KCNH5: variants seen among roughly 807,000 people sequenced by gnomAD.
KCNH5 encodes the protein voltage-gated delayed rectifier potassium channel KCNH5.
In KCNH5, 46 loss-of-function variants were observed where a neutral mutation model predicts 96.1. The ratio of observed to expected loss-of-function variants is 0.48; its 90% CI spans 0.38 to 0.61. The LOEUF (loss-of-function observed/expected upper bound fraction) is 0.61. KCNH5 is among the 20% of genes least tolerant of loss of function. The pLI, the probability that KCNH5 is intolerant of heterozygous loss-of-function variation, is 0.00. For synonymous variants in KCNH5, 439 were observed against 449.8 expected (o/e 0.98, Z 0.30); for missense variants, 907 against 1,225.8 (o/e 0.74, Z 3.88).
chr14:62,997,550 C>T (rs1890928705), intron 4 of KCNH5, among the ~76,000 whole-genome samples: 1 of 152,090 alleles, frequency 6.6e-6, no homozygotes, highest in Admixed American at 6.5e-5. Context: ...ACCAGCCTTG[C>T]ATAAGTGGGA....
chr14:62,967,993 C>T (rs1297611200), intron 6 of KCNH5, among the ~76,000 whole-genome samples: 2 of 152,284 alleles, frequency 1.3e-5, no homozygotes, highest in African/African-American at 4.8e-5. Context: ...CTTGTTATTT[C>T]CTTTCCTCTC....
chr14:62,818,108 G>GT (rs1887032824), intron 8 of KCNH5, among the ~76,000 whole-genome samples: 1 of 91,924 alleles, frequency 1.1e-5, no homozygotes, highest in Non-Finnish European at 2.1e-5. Context: ...GGAGCTGGGG[G>GT]CGGGGGGGGG....
At chr14:62,908,088 G>A (rs887462020) in intron 7 of KCNH5, among the ~76,000 whole-genome samples, 1 of 152,076 alleles carries the variant, frequency 6.6e-6, no homozygotes, top group Non-Finnish European at 1.5e-5. Context: ...ACTTTTGTGG[G>A]TAATGGATTC....
At position 62,708,407 on chromosome 14, in the gene KCNH5, G is replaced by C; in HGVS notation, c.2068C>G (p.Leu690Val). 6.2e-7 allele frequency: 1 copy of C among 1,610,242 alleles called. No homozygotes were observed. ...AGGGTCACCTCATTCTTCTGCCGGA[G>C]GCGCTCCTCCTCCTCTTTCTTCACA... ...SDVKKEEEER[L>V]RQKNEVTLSI... is the part of the protein sequence containing the mutation. The change falls in exon 11 of 11, where the codon CTC (leucine) becomes GTC (valine). Residue 690 changes from leucine to valine, a missense_variant. Around this residue, in one of 6 missense-constraint regions of KCNH5, gnomAD observed 362 missense variants for 394.4 expected, o/e 0.92. Coordinates refer to ENST00000322893, the MANE Select transcript of KCNH5 (RefSeq NM_139318.5).
chr14:62,882,098 C>CT (rs1313766647), intron 7 of KCNH5, among the ~76,000 whole-genome samples: 1 of 44,844 alleles, frequency 2.2e-5, no homozygotes, highest in Non-Finnish European at 3.5e-5. Flanking sequence ...AACCCCATTT[C>CT]TTAAAAAAAA....
At chr14:62,781,035 G>A (rs183535688) in intron 9 of KCNH5, among the ~76,000 whole-genome samples, 19 of 152,088 alleles carry the variant, frequency 1.2e-4, no homozygotes, top group African/African-American at 4.3e-4. Flanking sequence ...GACCTTTATC[G>A]GGGAATCTGC....
At chr14:62,786,481 G>C (rs1364003399) in intron 9 of KCNH5, among the ~76,000 whole-genome samples, 1 of 152,048 alleles carries the variant, frequency 6.6e-6, no homozygotes, top group Non-Finnish European at 1.5e-5. Context: ...AATCACTATA[G>C]TGAAGCAAAT....
At chr14:62,984,261 G>A (rs530694865) in intron 5 of KCNH5, among the ~76,000 whole-genome samples, 1 of 152,214 alleles carries the variant, frequency 6.6e-6, no homozygotes, top group Non-Finnish European at 1.5e-5. Context: ...CAGGCCCACT[G>A]ACTGATGTGG....
chr14:63,045,039 G>C (rs930327149), intron 1 of KCNH5, 75 bp downstream of exon 1: 42 of 1,157,062 alleles, frequency 3.6e-5, no homozygotes, highest in Non-Finnish European at 5.3e-5. Flanking sequence ...TTGGGAGAGG[G>C]ATGGGATGGG....
chr14:62,824,957 C>G (rs1224370917), intron 8 of KCNH5, among the ~76,000 whole-genome samples: 2 of 151,950 alleles, frequency 1.3e-5, no homozygotes, highest in Non-Finnish European at 2.9e-5. Flanking sequence ...TTTTTTATGG[C>G]TGTATAGTTT....
intron 10 of KCNH5, among the ~76,000 whole-genome samples, chr14:62,745,616 A>G (rs1389059756): frequency 6.6e-6 from 1 of 152,128 alleles, no homozygotes; most frequent in Non-Finnish European, 1.5e-5. Context: ...TCATGTCTGT[A>G]AGGGGTTGGG....
chr14:63,023,551 A>G (rs1286515095), intron 1 of KCNH5, among the ~76,000 whole-genome samples: 1 of 152,214 alleles, frequency 6.6e-6, no homozygotes. Context: ...AATCATCCAG[A>G]CAGAAAATCA....
At chr14:62,986,780 T>C (rs1323458987) in intron 5 of KCNH5, among the ~76,000 whole-genome samples, 4 of 152,182 alleles carry the variant, frequency 2.6e-5, no homozygotes, top group Non-Finnish European at 4.4e-5. Context: ...CCTGAATATG[T>C]GTTTGCTGCA....
intron 7 of KCNH5, among the ~76,000 whole-genome samples, chr14:62,928,779 T>A (rs755541202): frequency 3.3e-5 from 5 of 152,050 alleles, no homozygotes; most frequent in Admixed American, 2.0e-4. Flanking sequence ...ACTCCTAGAT[T>A]TCTTCCTAAC....
chr14:62,908,782 A>ATT (rs71120241), intron 7 of KCNH5, among the ~76,000 whole-genome samples: 1,895 of 23,672 alleles, frequency 0.08, 564 homozygotes, highest in African/African-American at 0.19. Flanking sequence ...TTTGCTTTGT[A>ATT]TTTTTTTTTT....
At chr14:63,013,382 G>A (rs1248813363) in intron 2 of KCNH5, among the ~76,000 whole-genome samples, 2 of 151,960 alleles carry the variant, frequency 1.3e-5, no homozygotes, top group African/African-American at 4.8e-5. Flanking sequence ...ATAAAATGAA[G>A]CTCACTGCTT....
intron 7 of KCNH5, among the ~76,000 whole-genome samples, chr14:62,897,265 T>C (rs181007262): frequency 6.6e-6 from 1 of 152,232 alleles, no homozygotes; most frequent in African/African-American, 2.4e-5. Context: ...CTTATTAGCA[T>C]GACTTTTAGC....
chr14:62,907,212 A>G (rs1889046791), intron 7 of KCNH5, among the ~76,000 whole-genome samples: 1 of 152,188 alleles, frequency 6.6e-6, no homozygotes, highest in Non-Finnish European at 1.5e-5. Context: ...CAGAGAAACT[A>G]GACAGATCAA....
At chr14:62,796,691 GCACCCGTGACA>G (rs1886549128) in intron 9 of KCNH5, among the ~76,000 whole-genome samples, 1 of 152,206 alleles carries the variant, frequency 6.6e-6, no homozygotes, top group Non-Finnish European at 1.5e-5. Context: ...GGTTGAGGAT[GCACCCGTGACA>G]CATCCTCAGG....
Sources: allele counts gnomAD v4.1 joint callset (sites outside exome capture counted in the v4.1 genomes callset), GRCh38; gene constraint gnomAD v4.1.1; regional missense constraint gnomAD v4.1.1; transcripts MANE v1.5; gene names NCBI Gene and HGNC (gene_info 2026-07-23, HGNC 2026-07-21).